IL7: variants seen among roughly 807,000 people sequenced by gnomAD.
IL7 encodes interleukin-7.
In IL7, 3 loss-of-function variants were observed where a neutral mutation model predicts 21.6. The ratio of observed to expected loss-of-function variants is 0.14; its 90% CI spans 0.06 to 0.36. The LOEUF (loss-of-function observed/expected upper bound fraction) is 0.36, where lower values mean the gene tolerates loss of function less well. Among genes scored for constraint, IL7 ranks in the 10% least tolerant of loss-of-function variants. The pLI is 1.00. For missense variants in IL7, 175 were observed against 200.2 expected (o/e 0.87, Z 0.76); for synonymous variants, 62 against 68.1 (o/e 0.91, Z 0.44).
At chr8:78,747,060 T>C (rs1472392546) in intron 2 of IL7, 1 of 456,742 alleles carries the variant, frequency 2.2e-6, no homozygotes, top group Non-Finnish European at 4.4e-6. Context: ...TGCTGCTTCC[T>C]TTCTGTTCTT....
At chr8:78,679,490 T>C (rs1386884553) in intron 4 of IL7, 1 of 152,188 alleles carries the variant, frequency 6.6e-6, no homozygotes, top group East Asian at 1.9e-4. Context: ...TTTATTGTTA[T>C]ATGGTTATTT....
At chr8:78,766,514 A>G (rs1812757495) in intron 2 of IL7, among the ~76,000 whole-genome samples, 1 of 152,076 alleles carries the variant, frequency 6.6e-6, no homozygotes. Context: ...ATACATGCAT[A>G]TATAGGGTTT....
chr8:78,782,878 C>T (rs1250837866), intron 2 of IL7, among the ~76,000 whole-genome samples: 2 of 152,084 alleles, frequency 1.3e-5, no homozygotes, highest in Non-Finnish European at 2.9e-5. Context: ...AAACCCCTGG[C>T]TGGAGATGAT....
At chr8:78,736,128 T>A (rs979671455) in intron 5 of IL7, among the ~76,000 whole-genome samples, 5 of 151,328 alleles carry the variant, frequency 3.3e-5, no homozygotes, top group African/African-American at 1.2e-4. Flanking sequence ...CAGGGATGGC[T>A]TTTTTTCTTC....
intron 5 of IL7, among the ~76,000 whole-genome samples, chr8:78,734,086 T>G (rs1251549873): frequency 1.3e-5 from 2 of 152,198 alleles, no homozygotes; most frequent in Non-Finnish European, 2.9e-5. Context: ...TTTTCACAGT[T>G]TAACAGTGGA....
At chr8:78,759,045 T>G (rs1812450764) in intron 2 of IL7, among the ~76,000 whole-genome samples, 1 of 147,504 alleles carries the variant, frequency 6.8e-6, no homozygotes, top group Non-Finnish European at 1.5e-5. Context: ...TCATTCTCTT[T>G]TATTCTTTTA....
At chr8:78,790,689 A>C (rs1433972222) in intron 2 of IL7, among the ~76,000 whole-genome samples, 1 of 152,098 alleles carries the variant, frequency 6.6e-6, no homozygotes, top group Non-Finnish European at 1.5e-5. Flanking sequence ...TTTAAAATAA[A>C]GAAAAAATTC....
At chr8:78,773,057 C>A (rs536548139) in intron 2 of IL7, among the ~76,000 whole-genome samples, 1 of 152,080 alleles carries the variant, frequency 6.6e-6, no homozygotes, top group Non-Finnish European at 1.5e-5. Flanking sequence ...GTTCATTTTC[C>A]AAACTGCTTA....
chr8:78,779,309 T>G (rs953562355), intron 2 of IL7, among the ~76,000 whole-genome samples: 5 of 152,206 alleles, frequency 3.3e-5, no homozygotes, highest in African/African-American at 1.2e-4. Flanking sequence ...ATCCTTGTCT[T>G]GTGCTAGTTT....
intron 4 of IL7, chr8:78,678,693 C>A: frequency 1.3e-6 from 2 of 1,568,148 alleles, no homozygotes; most frequent in Non-Finnish European, 1.7e-6. Flanking sequence ...ACTATATAAC[C>A]TTTTGAACAG....
At chr8:78,772,274 C>T (rs1271825520) in intron 2 of IL7, among the ~76,000 whole-genome samples, 1 of 152,098 alleles carries the variant, frequency 6.6e-6, no homozygotes, top group African/African-American at 2.4e-5. Context: ...GAAGAGTTGA[C>T]AATATAAGTG....
chr8:78,689,280 T>C (rs1273656572), intron 3 of IL7: 5 of 1,601,090 alleles, frequency 3.1e-6, no homozygotes, highest in Non-Finnish European at 4.3e-6. Context: ...CTGATAGACA[T>C]ATAAATTTCT....
chr8:78,753,383 G>A (rs1812241546), intron 2 of IL7, among the ~76,000 whole-genome samples: 2 of 151,998 alleles, frequency 1.3e-5, no homozygotes, highest in Admixed American at 6.6e-5. Context: ...AATTTGAAAA[G>A]TGTCTGTTCA....
rs980860978 is a variant in IL7 at position 78,736,596 on chromosome 8, T to C, written c.361-69A>G. The C allele has an allele frequency of 1.2e-5, 11 of 906,888 alleles. No individual in the cohort carries two copies. The African/African-American group carries it at 1.5e-4, about 12-fold the overall frequency. 56.2% of individuals were successfully genotyped at this position (906,888 alleles called of 1,614,324 possible). A position where few individuals can be genotyped will look rare whatever the true frequency, so the allele number is the denominator to read the frequency against. The stretch of plus-strand genomic sequence containing the variant: ...TGCTCCTCCAGTTGTTTGTAATTGC[T>C]AATTTTCATATTGCCTTCAGCTCAT... On this transcript the variant is annotated intron_variant, in intron 4 of 5. Coordinates refer to ENST00000263851, the MANE Select transcript of IL7 (RefSeq NM_000880.4).
At position 78,780,718 on chromosome 8, in the gene IL7, G is replaced by A. The variant is rs187340105; in HGVS notation, c.147+17354C>T. ...AGAATGTATATTCTGTTATTTTGGG[G>A]TGGAGAGTTCTGTAGATATCTATCA... On this transcript the variant is annotated intron_variant, in intron 2 of 5. Coordinates refer to ENST00000263851, the MANE Select transcript of IL7 (RefSeq NM_000880.4). Among the ~76,000 whole-genome samples, 26 of 152,338 alleles carry A rather than the reference G, an allele frequency of 1.7e-4. 1 individual carries two copies. The East Asian group carries it at 4.6e-3, about 27-fold the overall frequency.
intron 1 of IL7, among the ~76,000 whole-genome samples, chr8:78,803,474 T>A (rs1302797339): frequency 6.6e-6 from 1 of 152,222 alleles, no homozygotes; most frequent in Non-Finnish European, 1.5e-5. Flanking sequence ...AAGCTTCTAG[T>A]GAAATTTCTT....
At chr8:78,678,122 A>C (rs1286566357) in intron 4 of IL7, among the ~76,000 whole-genome samples, 2 of 151,984 alleles carry the variant, frequency 1.3e-5, no homozygotes, top group Non-Finnish European at 2.9e-5. Context: ...TTTTATTAGA[A>C]AGGTCTTTAT....
intron 2 of IL7, among the ~76,000 whole-genome samples, chr8:78,763,027 G>T (rs74789320): frequency 6.6e-6 from 1 of 152,176 alleles, no homozygotes; most frequent in African/African-American, 2.4e-5. Context: ...ATTTGGATGC[G>T]ATCAATGTCA....
chr8:78,789,946 C>CCTCAAAT (rs1813630176), intron 2 of IL7, among the ~76,000 whole-genome samples: 1 of 152,044 alleles, frequency 6.6e-6, no homozygotes, highest in African/African-American at 2.4e-5. Flanking sequence ...TGCCATAGTA[C>CCTCAAAT]ATCTGGGTAG....
Sources: gnomAD v4.1 joint callset for allele counts (sites outside exome capture counted in the v4.1 genomes callset) on GRCh38, gnomAD v4.1.1 for gene constraint, MANE v1.5 for transcripts, NCBI Gene and HGNC (gene_info 2026-07-23, HGNC 2026-07-21) for gene names.